Variants in MYO1E observed in about 807,000 individuals in gnomAD.
The protein encoded by MYO1E is myosin IE, also known as unconventional myosin-Ie.
MYO1E carries 68 observed loss-of-function variants against 151.1 expected under a neutral mutation model. The ratio of observed to expected loss-of-function variants is 0.45; its 90% CI spans 0.37 to 0.55. The LOEUF (loss-of-function observed/expected upper bound fraction) is 0.55. Among genes scored for constraint, MYO1E ranks in the 20% least tolerant of loss-of-function variants. MYO1E has a pLI of 0.00. For synonymous variants in MYO1E, 601 were observed against 501.7 expected (o/e 1.20, Z -2.64); for missense variants, 1,363 against 1,389.3 (o/e 0.98, Z 0.30).
chr15:59,324,080 C>G (rs1003142311), intron 1 of MYO1E, among the ~76,000 whole-genome samples: 1 of 152,030 alleles, frequency 6.6e-6, no homozygotes, highest in African/African-American at 2.4e-5. Context: ...TTCTCAAGAA[C>G]AGGACCCACT....
intron 26 of MYO1E, among the ~76,000 whole-genome samples, chr15:59,147,375 G>A (rs1432509160): frequency 3.3e-5 from 5 of 152,016 alleles, no homozygotes; most frequent in East Asian, 1.9e-4. Flanking sequence ...TGAGGTGGGC[G>A]GATCACTTGA....
intron 6 of MYO1E, among the ~76,000 whole-genome samples, chr15:59,229,337 T>G (rs1032439557): frequency 1.3e-5 from 2 of 152,144 alleles, no homozygotes; most frequent in Non-Finnish European, 2.9e-5. Flanking sequence ...CGGAGCTGTG[T>G]GGTTTTCAAA....
chr15:59,303,399 G>A (rs2080495080), intron 1 of MYO1E, among the ~76,000 whole-genome samples: 1 of 152,030 alleles, frequency 6.6e-6, no homozygotes, highest in South Asian at 2.1e-4. Context: ...GGGCAACACA[G>A]TGAGACCCTT....
At chr15:59,180,666 T>A (rs1366071158) in intron 18 of MYO1E, among the ~76,000 whole-genome samples, 1 of 152,048 alleles carries the variant, frequency 6.6e-6, no homozygotes, top group Non-Finnish European at 1.5e-5. Context: ...TTTGCTTCCA[T>A]GAAGCCTGAT....
intron 1 of MYO1E, among the ~76,000 whole-genome samples, chr15:59,315,778 T>C (rs546562310): frequency 6.6e-6 from 1 of 152,326 alleles, no homozygotes; most frequent in Admixed American, 6.5e-5. Flanking sequence ...AATGCCCCAA[T>C]GCTGCTGCTG....
At chr15:59,247,916 G>A (rs561142852) in intron 4 of MYO1E, among the ~76,000 whole-genome samples, 1 of 152,158 alleles carries the variant, frequency 6.6e-6, no homozygotes, top group South Asian at 2.1e-4. Context: ...GAGGTCAGGG[G>A]TTCAAGACCA....
At chr15:59,333,856 C>T (rs1363290107) in intron 1 of MYO1E, among the ~76,000 whole-genome samples, 1 of 152,210 alleles carries the variant, frequency 6.6e-6, no homozygotes, top group African/African-American at 2.4e-5. Context: ...AGCATATATC[C>T]TCATAGGAAA....
chr15:59,209,418 C>A (rs1235924788), intron 13 of MYO1E, among the ~76,000 whole-genome samples: 1 of 150,570 alleles, frequency 6.6e-6, no homozygotes, highest in African/African-American at 2.4e-5. Context: ...TGGCTCATGC[C>A]TGTAATCCCA....
intron 1 of MYO1E, among the ~76,000 whole-genome samples, chr15:59,353,042 A>G (rs959140872): frequency 3.3e-5 from 5 of 152,188 alleles, no homozygotes; most frequent in African/African-American, 1.2e-4. Context: ...GGAAGTCAGC[A>G]CACCTAGATC....
At chr15:59,199,007 TTTAAA>T (rs2079785052) in intron 16 of MYO1E, among the ~76,000 whole-genome samples, 2 of 152,202 alleles carry the variant, frequency 1.3e-5, no homozygotes, top group African/African-American at 4.8e-5. Context: ...TTGGCTCTAA[TTTAAA>T]TATGGGATGA....
intron 1 of MYO1E, among the ~76,000 whole-genome samples, chr15:59,359,340 T>C (rs1189367746): frequency 4.1e-5 from 6 of 147,334 alleles, no homozygotes; most frequent in Non-Finnish European, 7.5e-5. Context: ...TTTTTTTTAA[T>C]TAGCTAGGCA....
At chr15:59,372,294 A>C (rs535016586) in intron 1 of MYO1E, among the ~76,000 whole-genome samples, 1 of 152,208 alleles carries the variant, frequency 6.6e-6, no homozygotes, top group South Asian at 2.1e-4. Flanking sequence ...ACTTGGAATA[A>C]AGTTTTCCTT....
rs1234710421 is a variant in MYO1E at position 59,225,145 on chromosome 15, T to C, written c.643-322A>G. 2.0e-5 allele frequency among the ~76,000 whole-genome samples: 3 copies of C among 152,250 alleles called. No homozygotes were observed. In the East Asian group the frequency reaches 5.8e-4, roughly 29 times the overall value. On this transcript the variant is annotated intron_variant, in intron 7 of 27. Coordinates refer to ENST00000288235, the MANE Select transcript of MYO1E (RefSeq NM_004998.4). ...CCCAACTTGCTATGGCTTTTTAAGC[T>C]GGCTTTTCCATGTTTCTCACTGCAG...
At chr15:59,185,923 C>A (rs1218343772) in intron 18 of MYO1E, among the ~76,000 whole-genome samples, 1 of 152,166 alleles carries the variant, frequency 6.6e-6, no homozygotes, top group Non-Finnish European at 1.5e-5. Context: ...AGCAAAGAAT[C>A]TTCCAGCCTA....
intron 17 of MYO1E, among the ~76,000 whole-genome samples, chr15:59,189,984 C>A (rs1393213542): frequency 1.3e-5 from 2 of 152,228 alleles, no homozygotes; most frequent in Non-Finnish European, 2.9e-5. Flanking sequence ...AGTAGGCCTG[C>A]ACCTTGGGGA....
chr15:59,349,354 C>T (rs1488391819), intron 1 of MYO1E, among the ~76,000 whole-genome samples: 1 of 152,090 alleles, frequency 6.6e-6, no homozygotes, highest in Non-Finnish European at 1.5e-5. Flanking sequence ...AGCTTCTAGA[C>T]AAGGCTGTGA....
intron 26 of MYO1E, among the ~76,000 whole-genome samples, chr15:59,140,696 CAG>C (rs2079403770): frequency 6.6e-6 from 1 of 152,208 alleles, no homozygotes; most frequent in Non-Finnish European, 1.5e-5. Context: ...CCTGTGATGA[CAG>C]ATGTTCATGG....
intron 4 of MYO1E, among the ~76,000 whole-genome samples, chr15:59,244,893 T>TGAATAGCA (rs2080120611): frequency 6.6e-6 from 1 of 152,230 alleles, no homozygotes; most frequent in Non-Finnish European, 1.5e-5. Flanking sequence ...GCAGCCCTCC[T>TGAATAGCA]GAATAGCACT....
Position 59,272,402 on chromosome 15 carries a change from C to T in MYO1E, c.51G>A (p.Lys17=). Residue 17 remains lysine (K), a synonymous_variant, in exon 2 of 28, where the codon AAG becomes AAA. Transcript: ENST00000288235. ...YQYHWQSHNV[K]HSGVDDMVLL... Reference sequence around the variant, plus strand: ...GCACCATGTCGTCCACACCACTGTGCTTGACATTGTGGCTTTGCCAGTGGT... The same window carrying T: ...GCACCATGTCGTCCACACCACTGTGTTTGACATTGTGGCTTTGCCAGTGGT... 6.2e-7 allele frequency: 1 copy of T among 1,614,022 alleles called. No individual in the cohort carries two copies. The highest frequency in any genetic ancestry group is 1.3e-5 in the African/African-American group (1 of 75,066).
Sources: allele counts gnomAD v4.1 joint callset (sites outside exome capture counted in the v4.1 genomes callset), GRCh38; gene constraint gnomAD v4.1.1; transcripts MANE v1.5; gene names NCBI Gene and HGNC (gene_info 2026-07-23, HGNC 2026-07-21).